ASGR1: variants seen among roughly 807,000 people sequenced by gnomAD.
ASGR1 encodes asialoglycoprotein receptor 1, also known as C-type lectin domain family 4 member H1.
A neutral mutation model predicts 33.1 loss-of-function variants in ASGR1; 35 were observed. The ratio of observed to expected loss-of-function variants is 1.06; its 90% CI spans 0.81 to 1.40. The LOEUF is 1.40. Ranked by LOEUF, ASGR1 falls within the 40% of genes most tolerant of loss-of-function variation. ASGR1 has a pLI of 0.00. For synonymous variants in ASGR1, 142 were observed against 152.5 expected, an observed-to-expected ratio of 0.93 and a Z score of 0.51; for missense variants, 396 against 373.7, an observed-to-expected ratio of 1.06 and a Z score of -0.49.
rs1490006781 is a variant in ASGR1, at chr17:7,178,733, CTTTTCTTTTTTT to C, written c.-25-157_-25-146del. ...TCTTTCTTTTCTTTTTCTTTTTTTT[CTTTTCTTTTTTT>C]TTTTTTTTTTGAGAGGGAGTCTTGC... On this transcript the variant is annotated intron_variant, in intron 1 of 8. Transcript: ENST00000269299. The C allele has an allele frequency of 7.5e-4, 145 of 193,104 alleles. 1 individual carries two copies. The highest frequency in any genetic ancestry group is 5.4e-3 in the African/African-American group (132 of 24,344). The allele number at this position is 193,104 out of a possible 1,614,324, so 12.0% of individuals were successfully genotyped here.
chr17:7,173,820 C>T lies in ASGR1; in HGVS notation c.715G>A (p.Glu239Lys), dbSNP rs1324208498. Reference sequence around the variant, plus strand: ...TGGCCGTACCAGTCGTCCGGCTGCTCCGGCCTCCAGTTCCTGGGGACAGAG... The same window carrying T: ...TGGCCGTACCAGTCGTCCGGCTGCTTCGGCCTCCAGTTCCTGGGGACAGAG... Reference protein sequence around the residue: ...YETGFKNWRPEQPDDWYGHGL... With the variant: ...YETGFKNWRPKQPDDWYGHGL... The change falls in exon 9 of 9, where the codon GAG becomes AAG. Residue 239 changes from glutamate (E) to lysine (K), a missense_variant. Glu to Lys is a moderately conservative substitution (Grantham distance 56, BLOSUM62 1). Coordinates refer to ENST00000269299, the MANE Select transcript of ASGR1 (RefSeq NM_001671.5). This position sits in a 1 kb window ranked among gnomAD's most constrained non-coding sequence, Gnocchi z 4.7. 1 of 1,610,720 alleles carries T rather than the reference C, an allele frequency of 6.2e-7. No homozygotes were observed. The highest frequency in any genetic ancestry group is 8.5e-7 in the Non-Finnish European group (1 of 1,179,462).
At chr17:7,175,963 TAC>T (rs1172100031) in intron 5 of ASGR1, among the ~76,000 whole-genome samples, 3 of 116,576 alleles carry the variant, frequency 2.6e-5, no homozygotes, top group Non-Finnish European at 5.2e-5. Flanking sequence ...CTAACACACA[TAC>T]ACACGTTCTC....
At chr17:7,176,535 ACAC>A (rs900906683) in intron 5 of ASGR1, 17 of 523,188 alleles carry the variant, frequency 3.2e-5, no homozygotes, top group East Asian at 7.0e-5. Flanking sequence ...TCCCACACAC[ACAC>A]CATCTCATTC....
chr17:7,176,586 A>T (rs1030834453), intron 5 of ASGR1: 2 of 582,234 alleles, frequency 3.4e-6, no homozygotes, highest in Non-Finnish European at 6.1e-6. Context: ...ACAGACTCAC[A>T]CACACTCCAT....
At position 7,174,358 on chromosome 17, in the gene ASGR1, G is replaced by C. The variant is rs1477648837; in HGVS notation, c.442+16C>G. On this transcript the variant is annotated intron_variant, in intron 6 of 8. Coordinates refer to ENST00000269299, the MANE Select transcript of ASGR1 (RefSeq NM_001671.5). The stretch of plus-strand genomic sequence containing the variant: ...GAAGGGGGGAGGCAGAGAGCGGGCC[G>C]GGCTGGCCTCCTTACCATTGCCCTG... 1.9e-6 allele frequency: 3 copies of C among 1,613,890 alleles called. No individual in the cohort carries two copies. Among genetic ancestry groups the C allele is most frequent in the Admixed American group, 3.3e-5 (2 of 59,978 alleles).
At chr17:7,176,788 TCTTTCA>T in intron 5 of ASGR1, 36 bp downstream of exon 5, 3 of 1,555,214 alleles carry the variant, frequency 1.9e-6, no homozygotes, top group African/African-American at 1.8e-5. Flanking sequence ...ATTCTCACTC[TCTTTCA>T]CACACACACA....
At chr17:7,176,776 A>G (rs2069220357) in intron 5 of ASGR1, 54 bp downstream of exon 5, 1 of 1,582,950 alleles carries the variant, frequency 6.3e-7, no homozygotes, top group Non-Finnish European at 8.6e-7. Flanking sequence ...ACACATCCAC[A>G]CATTCTCACT....
intron 5 of ASGR1, among the ~76,000 whole-genome samples, chr17:7,176,299 A>G (rs111210292): frequency 0.018 from 2,302 of 131,494 alleles, 35 homozygotes; most frequent in South Asian, 0.072. Flanking sequence ...TCTCACACTC[A>G]CAGACTCACA....
intron 1 of ASGR1, 118 bp from the exon 2 acceptor site, chr17:7,178,706 T>G: frequency 1.7e-6 from 1 of 571,542 alleles, no homozygotes; most frequent in Admixed American, 3.3e-5. Context: ...ACCTTTCTTC[T>G]TTCTTTCTTT....
At position 7,176,790 on chromosome 17, in the gene ASGR1, T is replaced by A. The variant is rs775053160; in HGVS notation, c.355+40A>T. ...CACACATCCACACATTCTCACTCTCTTTCACACACACACACACACACACAC... is the reference window on the plus strand; with the variant it reads ...CACACATCCACACATTCTCACTCTCATTCACACACACACACACACACACAC... On this transcript the variant is annotated intron_variant, in intron 5 of 8. Transcript: ENST00000269299. 32 of 1,533,626 alleles carry A rather than the reference T, an allele frequency of 2.1e-5. No individual in the cohort carries two copies. In the African/African-American group the frequency reaches 5.7e-4, roughly 28 times the overall value.
chr17:7,175,565 TACAC>T lies in ASGR1; in HGVS notation c.356-1109_356-1106del, dbSNP rs540960923. Among the ~76,000 whole-genome samples, 895 of 151,480 alleles carry T rather than the reference TACAC, an allele frequency of 5.9e-3. 8 individuals carry two copies. The highest frequency in any genetic ancestry group is 0.019 in the African/African-American group (788 of 41,152). On this transcript the variant is annotated intron_variant, in intron 5 of 8. Transcript: ENST00000269299. The stretch of plus-strand genomic sequence containing the variant: ...AATGCACATTCACACAACACGCACA[TACAC>T]ACACTCACATGCACTTACACATATA...
intron 5 of ASGR1, among the ~76,000 whole-genome samples, chr17:7,175,083 A>G (rs1318451583): frequency 6.8e-6 from 1 of 146,166 alleles, no homozygotes; most frequent in Non-Finnish European, 1.5e-5. Flanking sequence ...CGTAACCCAC[A>G]TACACAGACA....
Position 7,174,343 on chromosome 17 carries a change from G to A in ASGR1, c.442+31C>T, listed in dbSNP as rs1216380085. 5 of 1,613,740 alleles carry A rather than the reference G, an allele frequency of 3.1e-6. No individual in the cohort carries two copies. In the Admixed American group the frequency reaches 6.7e-5, roughly 22 times the overall value. On this transcript the variant is annotated intron_variant, in intron 6 of 8. Coordinates refer to ENST00000269299, the MANE Select transcript of ASGR1 (RefSeq NM_001671.5). ...TAAGCGCTGCCCAGAGAAGGGGGGA[G>A]GCAGAGAGCGGGCCGGGCTGGCCTC...
rs374011778 is a variant in ASGR1, at chr17:7,174,481, G to C, written c.356-21C>G. The C allele has an allele frequency of 5.0e-6, 8 of 1,605,814 alleles. No individual in the cohort carries two copies. In the African/African-American group the frequency reaches 9.4e-5, roughly 19 times the overall value. On this transcript the variant is annotated intron_variant, in intron 5 of 8. Coordinates refer to ENST00000269299, the MANE Select transcript of ASGR1 (RefSeq NM_001671.5). ...GTGATCTGGGGAGACCGGGCGGAGGGGAGCGGGAGGAGATGCGGAAACCAC... is the reference window on the plus strand; with the variant it reads ...GTGATCTGGGGAGACCGGGCGGAGGCGAGCGGGAGGAGATGCGGAAACCAC...
chr17:7,174,967 A>G (rs1055584373), intron 5 of ASGR1, among the ~76,000 whole-genome samples: 1 of 149,152 alleles, frequency 6.7e-6, no homozygotes, highest in Non-Finnish European at 1.5e-5. Context: ...CACACAACAC[A>G]CCCTTACACA....
At chr17:7,177,350 A>AGCGCGGGGACAGAGGGGACCCTG in intron 2 of ASGR1, 24 bp from the exon 3 acceptor site, 1 of 1,603,042 alleles carries the variant, frequency 6.2e-7, no homozygotes, top group Non-Finnish European at 8.5e-7. Context: ...GGGTGTCAGG[A>AGCGCGGGGACAGAGGGGACCCTG]GCGCGGGGAC....
At chr17:7,175,322 GACACACACAACACACCTTCACCCAC>G (rs2069183923) in intron 5 of ASGR1, among the ~76,000 whole-genome samples, 1 of 96,256 alleles carries the variant, frequency 1.0e-5, no homozygotes, top group Non-Finnish European at 2.0e-5. Context: ...CTTCACCCAC[GACACACACAACACACCTTCACCCAC>G]ACACACACAC....
chr17:7,176,464 CACAG>C, intron 5 of ASGR1: 2 of 369,178 alleles, frequency 5.4e-6, no homozygotes, highest in Non-Finnish European at 5.0e-6. Flanking sequence ...CTCTCATTCC[CACAG>C]ACTGTCTCAC....
Position 7,177,215 on chromosome 17 carries a change from G to T in ASGR1, c.182C>A (p.Ser61Tyr), listed in dbSNP as rs749036522. The T allele has an allele frequency of 1.2e-6, 2 of 1,613,514 alleles. No individual in the cohort carries two copies. Among genetic ancestry groups the T allele is most frequent in the African/African-American group, 2.7e-5 (2 of 74,808 alleles). Residue 61 changes from serine (S) to tyrosine (Y), a missense_variant, in exon 3 of 9, where the codon TCC becomes TAC. By Grantham distance (144) the Ser-to-Tyr change is moderately radical. Transcript: ENST00000269299. ...CCCACCCCTGGGGCACCCACTTTGG[G>T]ATCCGATCACACAGACAACCACAAG... ...LLLVVVCVIG[S>Y]QNSQLQEELR... is the part of the protein sequence containing the mutation.
Sources: allele counts gnomAD v4.1 joint callset (sites outside exome capture counted in the v4.1 genomes callset), GRCh38; gene constraint gnomAD v4.1.1; non-coding constraint Gnocchi (gnomAD v3.1); transcripts MANE v1.5; gene names NCBI Gene and HGNC (gene_info 2026-07-23, HGNC 2026-07-21).